The following RAD51B variants were observed in gnomAD, a reference collection of about 807,000 sequenced individuals.
The protein encoded by RAD51B is RAD51 paralog B.
RAD51B carries 38 observed loss-of-function variants against 42.2 expected under a neutral mutation model. The observed-to-expected ratio is 0.90, with a 90% confidence interval of 0.70 to 1.18. The LOEUF (loss-of-function observed/expected upper bound fraction) is 1.18, where lower values mean the gene tolerates loss of function less well. Ranked by LOEUF, RAD51B falls within the 50% of genes most tolerant of loss-of-function variation. The probability of loss-of-function intolerance (pLI) is 0.00; values close to 1 mark genes in which losing one functional copy is unlikely to be tolerated. For synonymous variants in RAD51B, 154 were observed against 145.2 expected, an observed-to-expected ratio of 1.06 and a Z score of -0.43; for missense variants, 373 against 400.7, an observed-to-expected ratio of 0.93 and a Z score of 0.59.
At chr14:68,385,408 A>G (rs183956608) in intron 8 of RAD51B, among the ~76,000 whole-genome samples, 8 of 152,160 alleles carry the variant, frequency 5.3e-5, no homozygotes, top group African/African-American at 1.7e-4. Flanking sequence ...GGCAACTGCA[A>G]TTTCAGGCTG....
chr14:68,349,779 A>G (rs1308957797), intron 8 of RAD51B, among the ~76,000 whole-genome samples: 1 of 152,216 alleles, frequency 6.6e-6, no homozygotes, highest in Non-Finnish European at 1.5e-5. Flanking sequence ...TACATTTCAG[A>G]CAGCCCAGGT....
At chr14:67,893,146 A>G (rs928906693) in intron 7 of RAD51B, among the ~76,000 whole-genome samples, 1 of 152,100 alleles carries the variant, frequency 6.6e-6, no homozygotes, top group East Asian at 1.9e-4. Flanking sequence ...TAATTGCTCA[A>G]AACTGGCAAG....
Position 67,931,494 on chromosome 14 carries a change from G to A in RAD51B, c.756+44290G>A, listed in dbSNP as rs112739638. ...ATCATAATTTTGAATTCTTTTTCTG[G>A]GATTTCTTTTTTTTTTTTTTTTTTT... On this transcript the variant is annotated intron_variant, in intron 7 of 10. Transcript: ENST00000471583. Among the ~76,000 whole-genome samples, 928 of 148,166 alleles carry A rather than the reference G, an allele frequency of 6.3e-3. 10 individuals carry two copies. Among genetic ancestry groups the A allele is most frequent in the African/African-American group, 0.022 (884 of 40,160 alleles).
intron 10 of RAD51B, among the ~76,000 whole-genome samples, chr14:68,532,722 T>C (rs1455803556): frequency 6.6e-6 from 1 of 152,202 alleles, no homozygotes; most frequent in African/African-American, 2.4e-5. Flanking sequence ...GGAAAGTGAC[T>C]CATCTTATTA....
At chr14:68,356,054 A>G (rs1305787784) in intron 8 of RAD51B, among the ~76,000 whole-genome samples, 1 of 152,212 alleles carries the variant, frequency 6.6e-6, no homozygotes, top group Non-Finnish European at 1.5e-5. Context: ...TATCTTGAGG[A>G]TATTGTAGAC....
chr14:68,250,058 C>T (rs2080588371), intron 7 of RAD51B, among the ~76,000 whole-genome samples: 3 of 152,186 alleles, frequency 2.0e-5, no homozygotes, highest in South Asian at 4.1e-4. Context: ...CTAATAGCTG[C>T]TTTGGCGCTT....
At chr14:68,316,069 T>G (rs1466591692) in intron 8 of RAD51B, among the ~76,000 whole-genome samples, 1 of 152,206 alleles carries the variant, frequency 6.6e-6, no homozygotes, top group Non-Finnish European at 1.5e-5. Flanking sequence ...TGAGACAGTT[T>G]AGGTATTGAT....
At chr14:68,519,136 G>A (rs556754293) in intron 10 of RAD51B, among the ~76,000 whole-genome samples, 3 of 152,314 alleles carry the variant, frequency 2.0e-5, no homozygotes, top group Admixed American at 2.0e-4. Flanking sequence ...CTACAAACCA[G>A]GCTTTTCCAC....
At chr14:67,940,522 T>C (rs973156709) in intron 7 of RAD51B, among the ~76,000 whole-genome samples, 6 of 152,182 alleles carry the variant, frequency 3.9e-5, no homozygotes, top group Admixed American at 2.0e-4. Context: ...ACAATAACAA[T>C]AGTGTAGAAG....
At chr14:68,307,110 G>T (rs1439134528) in intron 8 of RAD51B, among the ~76,000 whole-genome samples, 4 of 151,824 alleles carry the variant, frequency 2.6e-5, no homozygotes, top group Non-Finnish European at 5.9e-5. Flanking sequence ...GGCTGGACTG[G>T]TTTTTCCTCC....
intron 11 of RAD51B, among the ~76,000 whole-genome samples, chr14:68,676,968 G>C (rs903664863): frequency 3.3e-5 from 5 of 152,218 alleles, no homozygotes; most frequent in African/African-American, 1.2e-4. Context: ...GTCCTTGGAA[G>C]CACAAAGCGT....
chr14:67,823,595 C>A lies in RAD51B; in HGVS notation c.52C>A (p.Arg18Ser). Residue 18 changes from arginine (R) to serine (S), a missense_variant, in exon 2 of 11, where the codon CGT (arginine) becomes AGT (serine). Physicochemically the swap from Arg to Ser is moderately radical, Grantham distance 110. Transcript: ENST00000471583. Reference sequence around the variant, plus strand: ...GGGTTTATCACAAGAGCTGTGTGACCGTCTGAGTAGACATCAGATCCTTAC... The same window carrying A: ...GGGTTTATCACAAGAGCTGTGTGACAGTCTGAGTAGACATCAGATCCTTAC... ...RVGLSQELCD[R>S]LSRHQILTCQ... The A allele has an allele frequency of 6.2e-7, 1 of 1,613,460 alleles. No individual in the cohort carries two copies. The highest frequency in any genetic ancestry group is 8.5e-7 in the Non-Finnish European group (1 of 1,179,732).
chr14:68,620,901 A>G (rs964708081), intron 10 of RAD51B, among the ~76,000 whole-genome samples: 3 of 152,222 alleles, frequency 2.0e-5, no homozygotes, highest in Non-Finnish European at 4.4e-5. Context: ...TGGCTGATAC[A>G]GGAGCCAGGG....
chr14:67,923,586 A>G (rs2044405283), intron 7 of RAD51B, among the ~76,000 whole-genome samples: 1 of 152,134 alleles, frequency 6.6e-6, no homozygotes, highest in Admixed American at 6.5e-5. Context: ...GGCATGAGCC[A>G]CTGCGACCAG....
intron 7 of RAD51B, among the ~76,000 whole-genome samples, chr14:68,012,431 T>TA (rs1409189463): frequency 1.6e-3 from 220 of 137,300 alleles, no homozygotes; most frequent in African/African-American, 6.2e-3. Flanking sequence ...AACAAAGAAT[T>TA]TTATATATAT....
Position 67,835,738 on chromosome 14 carries a change from C to A in RAD51B, c.315+542C>A, listed in dbSNP as rs113771675. 8.5e-4 allele frequency among the ~76,000 whole-genome samples: 129 copies of A among 151,780 alleles called. 1 individual carries two copies. The highest frequency in any genetic ancestry group is 3.0e-3 in the African/African-American group (126 of 41,378). On this transcript the variant is annotated intron_variant, in intron 4 of 10. Coordinates refer to ENST00000471583, the MANE Select transcript of RAD51B (RefSeq NM_133510.4). ...AACCATTTAGCCATATGTGGTGGTGCATGCTTATGGTCCTAGCTACTCAGG... is the reference window on the plus strand; with the variant it reads ...AACCATTTAGCCATATGTGGTGGTGAATGCTTATGGTCCTAGCTACTCAGG...
At chr14:68,062,141 A>G (rs57545156) in intron 7 of RAD51B, among the ~76,000 whole-genome samples, 3,836 of 152,280 alleles carry the variant, frequency 0.025, 163 homozygotes, top group African/African-American at 0.087. Flanking sequence ...CTTTTTCTGC[A>G]TCTGTTGAGA....
intron 7 of RAD51B, among the ~76,000 whole-genome samples, chr14:67,889,473 G>A (rs2043155067): frequency 6.7e-6 from 1 of 148,854 alleles, no homozygotes; most frequent in Non-Finnish European, 1.5e-5. Flanking sequence ...ATATATATAA[G>A]CTTACCTCAC....
chr14:68,457,625 A>C (rs534610564), intron 9 of RAD51B, among the ~76,000 whole-genome samples: 8 of 151,952 alleles, frequency 5.3e-5, no homozygotes, highest in Non-Finnish European at 8.8e-5. Context: ...TTTGAGACGG[A>C]GTCTAGCTTT....
Sources: gnomAD v4.1 joint callset for allele counts (sites outside exome capture counted in the v4.1 genomes callset) on GRCh38, gnomAD v4.1.1 for gene constraint, MANE v1.5 for transcripts, NCBI Gene and HGNC (gene_info 2026-07-23, HGNC 2026-07-21) for gene names.